Variants in RNF103 observed in about 807,000 individuals in gnomAD.
The protein encoded by RNF103 is ring finger protein 103, also known as E3 ubiquitin-protein ligase RNF103.
Under a neutral mutation model 66.2 loss-of-function variants are expected in RNF103, and 23 were observed. The ratio of observed to expected loss-of-function variants is 0.35; its 90% CI spans 0.25 to 0.49. The LOEUF is 0.49. Among genes scored for constraint, RNF103 ranks in the 20% least tolerant of loss-of-function variants. The pLI, the probability that RNF103 is intolerant of heterozygous loss-of-function variation, is 0.98. For synonymous variants in RNF103, 297 were observed against 289.9 expected (o/e 1.02, Z -0.25); for missense variants, 730 against 814.7 (o/e 0.90, Z 1.27).
chr2:86,623,645 GATGGA>G lies in RNF103; in HGVS notation c.-764_-760del. The G allele has an allele frequency of 6.1e-6, 7 of 1,139,588 alleles. No individual in the cohort carries two copies. Among genetic ancestry groups the G allele is most frequent in the Non-Finnish European group, 7.6e-6 (7 of 917,732 alleles). 70.6% of individuals were successfully genotyped at this position (1,139,588 alleles called of 1,614,324 possible). A position where few individuals can be genotyped will look rare whatever the true frequency, so the allele number is the denominator to read the frequency against. On this transcript the variant is annotated 5_prime_UTR_variant, in exon 1 of 4. Coordinates refer to ENST00000237455, the MANE Select transcript of RNF103 (RefSeq NM_005667.4). ...AGGATGGGGCGTCGCGGTCTCTGCA[GATGGA>G]ATCGGTCTCGGAGGGAAAAAACCAA...
At chr2:86,622,371 G>A (rs1168763745) in intron 1 of RNF103, among the ~76,000 whole-genome samples, 1 of 152,106 alleles carries the variant, frequency 6.6e-6, no homozygotes, top group Non-Finnish European at 1.5e-5. Context: ...TGATATTCCA[G>A]AATTTTGAGA....
Position 86,623,615 on chromosome 2 carries a change from G to A in RNF103, c.-729C>T, listed in dbSNP as rs1309697088. ...CTCAGGCGGGCGGGCACTGCGGCCC[G>A]GCCCAGGATGGGGCGTCGCGGTCTC... On this transcript the variant is annotated 5_prime_UTR_variant, in exon 1 of 4. Coordinates refer to ENST00000237455, the MANE Select transcript of RNF103 (RefSeq NM_005667.4). 9 of 1,044,192 alleles carry A rather than the reference G, an allele frequency of 8.6e-6. No individual in the cohort carries two copies. The highest frequency in any genetic ancestry group is 1.2e-4 in the Admixed American group (2 of 16,370). 64.7% of individuals were successfully genotyped at this position (1,044,192 alleles called of 1,614,324 possible). A position where few individuals can be genotyped will look rare whatever the true frequency, so the allele number is the denominator to read the frequency against.
chr2:86,622,723 C>T lies in RNF103; in HGVS notation c.164G>A (p.Arg55Gln). Residue 55 changes from arginine (R) to glutamine (Q), a missense_variant, in exon 1 of 4, where the codon CGG becomes CAG. Coordinates refer to ENST00000237455, the MANE Select transcript of RNF103 (RefSeq NM_005667.4). ...GGGCAACCCTGAGTAGCCCAACCCC[C>T]GGCACTCCAAAATGGTCTTCAGCTT... ...FKKLKTILEC[R>Q]GLGYSGLPEK... 14 of 1,614,178 alleles carry T rather than the reference C, an allele frequency of 8.7e-6. No homozygotes were observed. The highest frequency in any genetic ancestry group is 1.1e-5 in the Non-Finnish European group (13 of 1,180,012).
At chr2:86,620,114 C>T (rs1475544094) in intron 2 of RNF103, among the ~76,000 whole-genome samples, 1 of 152,162 alleles carries the variant, frequency 6.6e-6, no homozygotes, top group Non-Finnish European at 1.5e-5. Flanking sequence ...AGTTGACCCC[C>T]ATCCCCCATC....
intron 2 of RNF103, chr2:86,615,108 G>A: frequency 7.1e-6 from 7 of 985,410 alleles, no homozygotes; most frequent in Non-Finnish European, 8.4e-6. Flanking sequence ...GTACCTCTTG[G>A]TTATAGCAGA....
Position 86,623,450 on chromosome 2 carries a change from T to G in RNF103, c.-564A>C, listed in dbSNP as rs1332448781. The G allele has an allele frequency of 1.0e-6, 1 of 980,576 alleles. No individual in the cohort carries two copies. Among genetic ancestry groups the G allele is most frequent in the Non-Finnish European group, 1.2e-6 (1 of 828,198 alleles). The allele number at this position is 980,576 out of a possible 1,614,324, so 60.7% of individuals were successfully genotyped here. On this transcript the variant is annotated 5_prime_UTR_variant, in exon 1 of 4. Transcript: ENST00000237455. ...GCCAGGCCCGGGGCCCAGCGTGTTC[T>G]GCGCGGGGAGGAGCGGCCGCCGCAA... is the stretch of plus-strand genomic sequence containing the variant.
In RNF103 at chr2:86,620,422, C is replaced by G. The variant is rs557927966; in HGVS notation, c.274G>C (p.Ala92Pro). 2 of 1,606,010 alleles carry G rather than the reference C, an allele frequency of 1.2e-6. No homozygotes were observed. The highest frequency in any genetic ancestry group is 4.5e-5 in the East Asian group (2 of 44,864). Residue 92 changes from alanine (A) to proline (P), a missense_variant, in exon 2 of 4, where the codon GCA becomes CCA. By Grantham distance (27) the Ala-to-Pro change is conservative. This residue lies in a region of RNF103 where 327 missense variants were observed against 369.8 expected (regional missense o/e 0.88). Coordinates refer to ENST00000237455, the MANE Select transcript of RNF103 (RefSeq NM_005667.4). Reference protein sequence around the residue: ...ELYSALKEEEASESVSSTNFS... With the variant: ...ELYSALKEEEPSESVSSTNFS... ...TTGGTACTAGAAACCGATTCGGATG[C>G]TTCTTCTTCCTTGAGAGCAGAATAG...
Position 86,604,065 on chromosome 2 carries a change from A to G in RNF103, c.1836T>C (p.Pro612=). 1 of 1,614,032 alleles carries G rather than the reference A, an allele frequency of 6.2e-7. No homozygotes were observed. The highest frequency in any genetic ancestry group is 8.5e-7 in the Non-Finnish European group (1 of 1,180,034). Residue 612 remains proline (P), a synonymous_variant, in exon 4 of 4, where the codon CCT becomes CCC. Coordinates refer to ENST00000237455, the MANE Select transcript of RNF103 (RefSeq NM_005667.4). ...ATTCAGTACAGTGCAGCATATCAGC[A>G]GGCCAAGTTAACCAATCAGGTTCCA... ...EDMEPDWLTW[P]ADMLHCTECV... is the part of the protein sequence containing the mutation.
In RNF103 at chr2:86,623,063, C is replaced by A. The variant is rs1292070796; in HGVS notation, c.-177G>T. The stretch of plus-strand genomic sequence containing the variant: ...GGGGAAGCAGGTGACGGGATCCGCG[C>A]GGGCGCGAGGCGGCGACGAGGGACG... On this transcript the variant is annotated 5_prime_UTR_variant, in exon 1 of 4. Coordinates refer to ENST00000237455, the MANE Select transcript of RNF103 (RefSeq NM_005667.4). 10 of 1,290,266 alleles carry A rather than the reference C, an allele frequency of 7.8e-6. No individual in the cohort carries two copies. In the Admixed American group the frequency reaches 3.0e-4, roughly 39 times the overall value. The allele number at this position is 1,290,266 out of a possible 1,614,324, so 79.9% of individuals were successfully genotyped here.
Position 86,611,010 on chromosome 2 carries a change from C to CAA in RNF103, c.482+1147_482+1148dup, listed in dbSNP as rs36001734. On this transcript the variant is annotated intron_variant, in intron 3 of 3. Transcript: ENST00000237455. ...GCAACATAGCAAGACTCCATCTCTA[C>CAA]AAAAAAAAAAAAAAAATTAGCCAGG... Among the ~76,000 whole-genome samples, 400 of 129,636 alleles carry CAA rather than the reference C, an allele frequency of 3.1e-3. 3 individuals are homozygous for CAA. The highest frequency in any genetic ancestry group is 8.4e-3 in the Middle Eastern group (2 of 238). The allele number at this position is 129,636 out of a possible 152,430, so 85.0% of individuals were successfully genotyped here. A position where few individuals can be genotyped will look rare whatever the true frequency, so the allele number is the denominator to read the frequency against.
chr2:86,604,915 A>G lies in RNF103; in HGVS notation c.986T>C (p.Leu329Ser). 1 of 1,614,120 alleles carries G rather than the reference A, an allele frequency of 6.2e-7. No individual in the cohort carries two copies. Among genetic ancestry groups the G allele is most frequent in the Non-Finnish European group, 8.5e-7 (1 of 1,179,958 alleles). ...CATAAGATTAACTAGAACCAAGCTCAAAACAAACAGATCATTTACCTCGGG... is the reference window on the plus strand; with the variant it reads ...CATAAGATTAACTAGAACCAAGCTCGAAACAAACAGATCATTTACCTCGGG... ...LQPEVNDLFV[L>S]SLVLVNLMAW... The change falls in exon 4 of 4, where the codon TTG becomes TCG. Residue 329 changes from leucine (L) to serine (S), a missense_variant. Leu to Ser is a moderately radical substitution (Grantham distance 145, BLOSUM62 -2). Transcript: ENST00000237455.
chr2:86,616,546 A>G (rs1679031101), intron 2 of RNF103: 2 of 985,450 alleles, frequency 2.0e-6, no homozygotes, highest in Middle Eastern at 5.2e-4. Flanking sequence ...ATCAAGAAAG[A>G]AATACGTAAT....
chr2:86,621,296 A>G (rs1169348137), intron 1 of RNF103, among the ~76,000 whole-genome samples: 1 of 152,140 alleles, frequency 6.6e-6, no homozygotes, highest in Non-Finnish European at 1.5e-5. Context: ...GAAGGCAATA[A>G]TAAATAACAG....
In RNF103 at chr2:86,604,874, A is replaced by G. The variant is rs771744537; in HGVS notation, c.1027T>C (p.Phe343Leu). The change falls in exon 4 of 4, where the codon TTT becomes CTT. Residue 343 changes from phenylalanine to leucine, a missense_variant. Coordinates refer to ENST00000237455, the MANE Select transcript of RNF103 (RefSeq NM_005667.4). ...TTTATGGTAGCTCCTTGTGTAATAA[A>G]TAAGTCCATCCAAGCCATAAGATTA... ...LVNLMAWMDL[F>L]ITQGATIKRF... 2.5e-6 allele frequency: 4 copies of G among 1,613,986 alleles called. No homozygotes were observed. The highest frequency in any genetic ancestry group is 1.3e-5 in the African/African-American group (1 of 74,904).
In RNF103 at chr2:86,622,890, C is replaced by G. The variant is rs1679286736; in HGVS notation, c.-4G>C. 1 of 1,589,386 alleles carries G rather than the reference C, an allele frequency of 6.3e-7. No homozygotes were observed. Among genetic ancestry groups the G allele is most frequent in the African/African-American group, 1.3e-5 (1 of 74,190 alleles). On this transcript the variant is annotated 5_prime_UTR_variant, in exon 1 of 4. Transcript: ENST00000237455. ...AGAAAAAAAGCTTCAGCCACATCTT[C>G]CCTGGAGTTTCCTCTCTTTCCAGAG...
At chr2:86,621,645 CTT>C (rs1183673175) in intron 1 of RNF103, among the ~76,000 whole-genome samples, 1 of 152,180 alleles carries the variant, frequency 6.6e-6, no homozygotes. Flanking sequence ...AGCTCATACT[CTT>C]GTCTATCACG....
At chr2:86,610,294 G>A (rs1038239834) in intron 3 of RNF103, among the ~76,000 whole-genome samples, 4 of 152,150 alleles carry the variant, frequency 2.6e-5, no homozygotes, top group Middle Eastern at 3.2e-3. Flanking sequence ...GAAGATGAAG[G>A]ATTTAGAGGA....
chr2:86,616,948 T>C, intron 2 of RNF103: 1 of 985,456 alleles, frequency 1.0e-6, no homozygotes, highest in Non-Finnish European at 1.2e-6. Context: ...AACCATCTTC[T>C]ATTTGTAATG....
At chr2:86,607,069 A>AT (rs903120562) in intron 3 of RNF103, among the ~76,000 whole-genome samples, 9 of 151,466 alleles carry the variant, frequency 5.9e-5, no homozygotes, top group Admixed American at 1.3e-4. Flanking sequence ...TTTAAAAAGT[A>AT]TTTTTTTTTC....
Sources: allele counts gnomAD v4.1 joint callset (sites outside exome capture counted in the v4.1 genomes callset), GRCh38; gene constraint gnomAD v4.1.1; regional missense constraint gnomAD v4.1.1; transcripts MANE v1.5; gene names NCBI Gene and HGNC (gene_info 2026-07-23, HGNC 2026-07-21).